Variants in LRRC37A2 observed in about 807,000 individuals in gnomAD.
The protein encoded by LRRC37A2 is leucine-rich repeat-containing protein 37A2.
A neutral mutation model predicts 68.8 loss-of-function variants in LRRC37A2; 9 were observed. The observed-to-expected ratio is 0.13, with a 90% CI of 0.08 to 0.23. The LOEUF is 0.23. Ranked by LOEUF, LRRC37A2 falls within the 10% of genes least tolerant of loss-of-function variation. The pLI is 1.00. For missense variants in LRRC37A2, 168 were observed against 950.4 expected (o/e 0.18, Z 10.82); for synonymous variants, 63 against 367.6 (o/e 0.17, Z 9.48).
chr17:46,980,694 G>A, the LRRC37A2 span, among the ~76,000 whole-genome samples: 331 of 109,216 alleles, frequency 3.0e-3, 1 homozygote, highest in Non-Finnish European at 3.4e-3. Flanking sequence ...TTAGCCGGGC[G>A]TGGTGGCGGG....
chr17:46,735,849 G>C, the LRRC37A2 span, among the ~76,000 whole-genome samples: 2 of 152,160 alleles, frequency 1.3e-5, no homozygotes, highest in African/African-American at 4.8e-5. Flanking sequence ...GGAAGCTGAG[G>C]CAGGAGAATT....
At chr17:46,392,431 C>CTCTTTCTTTCTTTCTTTCTT in the LRRC37A2 span, among the ~76,000 whole-genome samples, 28 of 29,686 alleles carry the variant, frequency 9.4e-4, 4 homozygotes, top group East Asian at 2.0e-3. Context: ...CTTTCTTTCT[C>CTCTTTCTTTCTTTCTTTCTT]TCTTTCTTTC....
the LRRC37A2 span, chr17:47,022,032 C>T: frequency 2.1e-6 from 2 of 964,778 alleles, no homozygotes; most frequent in South Asian, 2.9e-5. Context: ...TCCTCCATGC[C>T]CCAAATCAAC....
chr17:46,873,501 A>T, the LRRC37A2 span, among the ~76,000 whole-genome samples: 2 of 152,196 alleles, frequency 1.3e-5, no homozygotes, highest in African/African-American at 4.8e-5. Context: ...TGGCTTGAGG[A>T]CACAGCTCCG....
chr17:46,750,482 G>C, the LRRC37A2 span, among the ~76,000 whole-genome samples: 1 of 152,178 alleles, frequency 6.6e-6, no homozygotes, highest in Non-Finnish European at 1.5e-5. Flanking sequence ...CATTTCCTTT[G>C]AATGTCATGT....
the LRRC37A2 span, among the ~76,000 whole-genome samples, chr17:47,012,198 C>T: frequency 6.6e-6 from 1 of 152,130 alleles, no homozygotes; most frequent in Non-Finnish European, 1.5e-5. Context: ...CAGCTCCACA[C>T]TATGTATCTT....
At chr17:46,932,981 A>G in the LRRC37A2 span, 3 of 152,348 alleles carry the variant, frequency 2.0e-5, no homozygotes, top group Non-Finnish European at 4.4e-5. Context: ...TTAACCCTCA[A>G]TGCTGCATCC....
At chr17:46,810,765 A>G in the LRRC37A2 span, among the ~76,000 whole-genome samples, 3 of 152,130 alleles carry the variant, frequency 2.0e-5, no homozygotes, top group East Asian at 1.9e-4. Flanking sequence ...CATGACTGCA[A>G]TCTCGGAGCT....
the LRRC37A2 span, chr17:46,979,248 T>G: frequency 1.4e-5 from 5 of 368,272 alleles, no homozygotes; most frequent in Non-Finnish European, 1.5e-5. Context: ...CCGGAGAACC[T>G]AGTGTGCTTA....
chr17:46,884,257 T>G, the LRRC37A2 span, among the ~76,000 whole-genome samples: 1 of 152,198 alleles, frequency 6.6e-6, no homozygotes, highest in African/African-American at 2.4e-5. Flanking sequence ...GCTGACACAT[T>G]TTAATTCAGA....
the LRRC37A2 span, among the ~76,000 whole-genome samples, chr17:46,927,278 G>A: frequency 1.3e-5 from 2 of 151,912 alleles, no homozygotes; most frequent in African/African-American, 4.8e-5. Flanking sequence ...TTTTCTGCAC[G>A]TCAATCCTTT....
At chr17:46,963,118 G>A in the LRRC37A2 span, among the ~76,000 whole-genome samples, 2 of 152,190 alleles carry the variant, frequency 1.3e-5, no homozygotes, top group Non-Finnish European at 2.9e-5. Context: ...AGAGCTGAGG[G>A]ATGAAAAACA....
chr17:46,779,052 A>ACCACACACACAC, the LRRC37A2 span, among the ~76,000 whole-genome samples: 7 of 22,678 alleles, frequency 3.1e-4, no homozygotes, highest in Non-Finnish European at 1.1e-4. Flanking sequence ...TCCCTACCCC[A>ACCACACACACAC]TCACACACAC....
chr17:46,884,841 G>C, the LRRC37A2 span, among the ~76,000 whole-genome samples: 11 of 152,144 alleles, frequency 7.2e-5, no homozygotes, highest in Admixed American at 5.2e-4. Context: ...GGAAGGGAGA[G>C]GCCGTGGAGC....
the LRRC37A2 span, among the ~76,000 whole-genome samples, chr17:46,879,257 C>G: frequency 2.0e-5 from 3 of 152,262 alleles, no homozygotes; most frequent in South Asian, 6.2e-4. Context: ...GACCGGGTCC[C>G]CCACTGAGCA....
the LRRC37A2 span, among the ~76,000 whole-genome samples, chr17:46,743,090 C>T: frequency 1.2e-4 from 18 of 152,232 alleles, no homozygotes; most frequent in African/African-American, 4.1e-4. Context: ...ATGACTCCTT[C>T]GGAGGGGGTG....
chr17:46,724,414 C>A, the LRRC37A2 span, among the ~76,000 whole-genome samples: 1 of 152,258 alleles, frequency 6.6e-6, no homozygotes, highest in African/African-American at 2.4e-5. Context: ...ATAATAGAGG[C>A]CCCGCCTTAC....
At chr17:46,857,765 G>GT in the LRRC37A2 span, among the ~76,000 whole-genome samples, 1 of 152,240 alleles carries the variant, frequency 6.6e-6, no homozygotes, top group African/African-American at 2.4e-5. Context: ...GGCTATTTTC[G>GT]TAAGTATGTA....
chr17:46,893,053 C>G, the LRRC37A2 span, among the ~76,000 whole-genome samples: 1 of 152,030 alleles, frequency 6.6e-6, no homozygotes, highest in African/African-American at 2.4e-5. Flanking sequence ...TATGGCTCAG[C>G]CTCCTGGGTA....
Sources: allele counts gnomAD v4.1 joint callset (sites outside exome capture counted in the v4.1 genomes callset), GRCh38; gene constraint gnomAD v4.1.1; transcripts MANE v1.5; gene names NCBI Gene and HGNC (gene_info 2026-07-23, HGNC 2026-07-21).